The following CCBE1 variants were observed in gnomAD, a reference collection of about 807,000 sequenced individuals.
CCBE1 encodes collagen and calcium binding EGF domains 1.
A neutral mutation model predicts 50.0 loss-of-function variants in CCBE1; 37 were observed. The ratio of observed to expected loss-of-function variants is 0.74; its 90% CI spans 0.57 to 0.97. The LOEUF is 0.97. Ranked by LOEUF, CCBE1 falls within the 50% of genes least tolerant of loss-of-function variation. CCBE1 has a pLI of 0.00. For synonymous variants in CCBE1, 234 were observed against 203.7 expected, an observed-to-expected ratio of 1.15 and a Z score of -1.27; for missense variants, 538 against 523.8, an observed-to-expected ratio of 1.03 and a Z score of -0.26.
chr18:59,608,336 G>T (rs752748443), intron 2 of CCBE1, among the ~76,000 whole-genome samples: 5 of 152,134 alleles, frequency 3.3e-5, no homozygotes, highest in Admixed American at 6.5e-5. Context: ...TTAACTTTGT[G>T]TTCCAGACCC....
chr18:59,645,286 T>C (rs2054041679), intron 2 of CCBE1, among the ~76,000 whole-genome samples: 1 of 152,162 alleles, frequency 6.6e-6, no homozygotes, highest in African/African-American at 2.4e-5. Context: ...GATTTAGGGA[T>C]CCTAAGAATA....
rs1910079960 is a variant in CCBE1, at chr18:59,434,805, T to C, written c.*1103A>G. On this transcript the variant is annotated 3_prime_UTR_variant, in exon 11 of 11. Coordinates refer to ENST00000439986, the MANE Select transcript of CCBE1 (RefSeq NM_133459.4). ...TAGTGTATTACTCTCAATATGTTGGTGGCAAGCTTGGTTGGCTCCAGACAA... is the reference window on the plus strand; with the variant it reads ...TAGTGTATTACTCTCAATATGTTGGCGGCAAGCTTGGTTGGCTCCAGACAA... 1.3e-5 allele frequency: 2 copies of C among 152,186 alleles called. No homozygotes were observed. The highest frequency in any genetic ancestry group is 1.3e-4 in the Admixed American group (2 of 15,288). 9.4% of individuals were successfully genotyped at this position (152,186 alleles called of 1,614,324 possible). A position where few individuals can be genotyped will look rare whatever the true frequency, so the allele number is the denominator to read the frequency against.
chr18:59,599,001 C>CA (rs2053393521), intron 2 of CCBE1, among the ~76,000 whole-genome samples: 1 of 152,158 alleles, frequency 6.6e-6, no homozygotes. Context: ...TAAATTCAGC[C>CA]ATGGCCGATA....
intron 2 of CCBE1, among the ~76,000 whole-genome samples, chr18:59,566,852 A>G (rs1301353389): frequency 6.6e-6 from 1 of 152,134 alleles, no homozygotes; most frequent in Non-Finnish European, 1.5e-5. Flanking sequence ...ATGTTTAGCT[A>G]CCAAAAAAAT....
At position 59,616,456 on chromosome 18, in the gene CCBE1, T is replaced by C. The variant is rs139748842; in HGVS notation, c.212+80173A>G. Among the ~76,000 whole-genome samples the C allele has an allele frequency of 7.5e-4, 115 of 152,346 alleles. 1 individual carries two copies. In the East Asian group the frequency reaches 0.017, roughly 22 times the overall value. On this transcript the variant is annotated intron_variant, in intron 2 of 10. Coordinates refer to ENST00000439986, the MANE Select transcript of CCBE1 (RefSeq NM_133459.4). ...GCTTCAAGTATAGATATTAAGCACA[T>C]GACCAACTAAAAAGCCGCCCCTTTC...
At chr18:59,541,876 T>TAA (rs35073472) in intron 2 of CCBE1, among the ~76,000 whole-genome samples, 5 of 149,044 alleles carry the variant, frequency 3.4e-5, no homozygotes, top group African/African-American at 4.9e-5. Context: ...TCTGCTTAAT[T>TAA]AAAAAAAAAA....
chr18:59,645,357 C>T (rs977627839), intron 2 of CCBE1, among the ~76,000 whole-genome samples: 4 of 152,246 alleles, frequency 2.6e-5, no homozygotes, highest in Admixed American at 2.6e-4. Context: ...TGGATACATT[C>T]AGTGTGACAG....
chr18:59,621,650 A>C (rs1359146208), intron 2 of CCBE1, among the ~76,000 whole-genome samples: 2 of 152,198 alleles, frequency 1.3e-5, no homozygotes, highest in Non-Finnish European at 2.9e-5. Context: ...CAGAGATGTC[A>C]CTAACCTACC....
intron 3 of CCBE1, among the ~76,000 whole-genome samples, chr18:59,477,693 A>G (rs1485064427): frequency 6.6e-6 from 1 of 152,180 alleles, no homozygotes; most frequent in Admixed American, 6.5e-5. Context: ...ACATTAAAGC[A>G]TATCAAGGAG....
chr18:59,650,553 T>C (rs928170693), intron 2 of CCBE1, among the ~76,000 whole-genome samples: 2 of 151,784 alleles, frequency 1.3e-5, no homozygotes, highest in African/African-American at 2.4e-5. Flanking sequence ...CACCAGCTTA[T>C]ACTAAGTGCA....
chr18:59,490,301 C>T lies in CCBE1; in HGVS notation c.213-10063G>A, dbSNP rs140849624. On this transcript the variant is annotated intron_variant, in intron 2 of 10. Transcript: ENST00000439986. ...CACCCAGCCGAGATACTTATTTTTA[C>T]GTAACAAAATAAAGGTTAGTTTGGA... Among the ~76,000 whole-genome samples, 173 of 151,732 alleles carry T rather than the reference C, an allele frequency of 1.1e-3. 1 individual carries two copies. The highest frequency in any genetic ancestry group is 3.9e-3 in the African/African-American group (163 of 41,388).
chr18:59,505,062 G>C (rs983429230), intron 2 of CCBE1, among the ~76,000 whole-genome samples: 24 of 152,124 alleles, frequency 1.6e-4, no homozygotes, highest in Admixed American at 1.6e-3. Context: ...GCAAAGTGAG[G>C]GAGTTAGACT....
chr18:59,589,925 GAACCAT>G (rs2053238077), intron 2 of CCBE1, among the ~76,000 whole-genome samples: 1 of 151,572 alleles, frequency 6.6e-6, no homozygotes, highest in Non-Finnish European at 1.5e-5. Flanking sequence ...TTAGGAAAGA[GAACCAT>G]AAGATTATTT....
intron 2 of CCBE1, among the ~76,000 whole-genome samples, chr18:59,487,298 A>G (rs867506486): frequency 6.6e-6 from 1 of 151,884 alleles, no homozygotes; most frequent in African/African-American, 2.4e-5. Flanking sequence ...AGAGAACATG[A>G]TCTCCTGGGG....
chr18:59,645,342 G>C (rs946483543), intron 2 of CCBE1, among the ~76,000 whole-genome samples: 7 of 152,152 alleles, frequency 4.6e-5, no homozygotes, highest in Non-Finnish European at 8.8e-5. Flanking sequence ...TTTACATCTG[G>C]ACATTGGATA....
rs560322601 is a variant in CCBE1, at chr18:59,676,352, AC to A, written c.212+20276del. On this transcript the variant is annotated intron_variant, in intron 2 of 10. Transcript: ENST00000439986. Reference sequence around the variant, plus strand: ...CTAGAAAGCTGAGCAGCAAGTGCCCACCCATGGCAAGTCTATGGCTCTTTAT... The same window carrying A: ...CTAGAAAGCTGAGCAGCAAGTGCCCACCATGGCAAGTCTATGGCTCTTTAT... 7.8e-3 allele frequency among the ~76,000 whole-genome samples: 1,191 copies of A among 152,324 alleles called. 11 individuals carry two copies. The highest frequency in any genetic ancestry group is 0.028 in the African/African-American group (1,144 of 41,550).
intron 2 of CCBE1, among the ~76,000 whole-genome samples, chr18:59,690,775 C>T (rs989704681): frequency 6.6e-6 from 1 of 152,222 alleles, no homozygotes; most frequent in Non-Finnish European, 1.5e-5. Context: ...AACCTTCCCT[C>T]CCTCGAACAC....
intron 2 of CCBE1, among the ~76,000 whole-genome samples, chr18:59,612,835 TG>T (rs1568234070): frequency 0.068 from 8,870 of 131,318 alleles, 677 homozygotes; most frequent in African/African-American, 0.11. Flanking sequence ...TGTTTTTTTT[TG>T]TTTTTGTTTT....
At chr18:59,554,096 G>A (rs1248688195) in intron 2 of CCBE1, among the ~76,000 whole-genome samples, 4 of 152,136 alleles carry the variant, frequency 2.6e-5, no homozygotes, top group African/African-American at 9.7e-5. Context: ...AGTAATTCCC[G>A]GGCTCAAGCC....
Sources: gnomAD v4.1 joint callset for allele counts (sites outside exome capture counted in the v4.1 genomes callset) on GRCh38, gnomAD v4.1.1 for gene constraint, MANE v1.5 for transcripts, NCBI Gene and HGNC (gene_info 2026-07-23, HGNC 2026-07-21) for gene names.